SYT16: variants seen among roughly 807,000 people sequenced by gnomAD.
SYT16 encodes synaptotagmin 16, also known as synaptotagmin-16.
A neutral mutation model predicts 61.4 loss-of-function variants in SYT16; 42 were observed. The ratio of observed to expected loss-of-function variants is 0.68; its 90% CI spans 0.53 to 0.89. The LOEUF (loss-of-function observed/expected upper bound fraction) is 0.89, where lower values mean the gene tolerates loss of function less well. Among genes scored for constraint, SYT16 ranks in the 40% least tolerant of loss-of-function variants. The pLI is 0.00. For synonymous variants in SYT16, 314 were observed against 302.3 expected, an observed-to-expected ratio of 1.04 and a Z score of -0.40; for missense variants, 804 against 807.3, an observed-to-expected ratio of 1.00 and a Z score of 0.05.
chr14:62,080,363 C>T (rs2056663767), intron 5 of SYT16, among the ~76,000 whole-genome samples: 1 of 152,198 alleles, frequency 6.6e-6, no homozygotes, highest in South Asian at 2.1e-4. Context: ...TATACTGAAG[C>T]ATCACCTTCC....
At chr14:61,864,129 C>T (rs1438402656) in intron 1 of SYT16, among the ~76,000 whole-genome samples, 1 of 152,184 alleles carries the variant, frequency 6.6e-6, no homozygotes, top group South Asian at 2.1e-4. Flanking sequence ...TATGAATAGA[C>T]CACAATTTGT....
At position 62,011,870 on chromosome 14, in the gene SYT16, T is replaced by TACACACACACACAC. The variant is rs1351640578; in HGVS notation, c.523+15329_523+15330insCACACACACACACA. Among the ~76,000 whole-genome samples the TACACACACACACAC allele has an allele frequency of 2.3e-3, 280 of 124,030 alleles. 6 individuals are homozygous for TACACACACACACAC. Among genetic ancestry groups the TACACACACACACAC allele is most frequent in the African/African-American group, 6.6e-3 (168 of 25,446 alleles). The allele number at this position is 124,030 out of a possible 152,430, so 81.4% of individuals were successfully genotyped here. On this transcript the variant is annotated intron_variant, in intron 3 of 7. Coordinates refer to ENST00000683842, the MANE Select transcript of SYT16 (RefSeq NM_001367656.1). ...GTCTACCACAAGTCAGGGAACACTA[T>TACACACACACACAC]ATATACACACACACACACACACACA...
At chr14:62,058,080 T>C (rs886410127) in intron 3 of SYT16, among the ~76,000 whole-genome samples, 6 of 152,182 alleles carry the variant, frequency 3.9e-5, no homozygotes, top group African/African-American at 1.4e-4. Context: ...CTTTTGAGAT[T>C]CATTCGTGTT....
At chr14:62,046,373 G>A (rs1481749755) in intron 3 of SYT16, among the ~76,000 whole-genome samples, 2 of 151,958 alleles carry the variant, frequency 1.3e-5, no homozygotes, top group South Asian at 2.1e-4. Context: ...ACATGAGTAG[G>A]TTGCAAAAAT....
In SYT16 at chr14:62,055,285, A is replaced by G. The variant is rs1341909148; in HGVS notation, c.524-14318A>G. ...CAAGCAATTCCCTTATAGGAGGCAT[A>G]CAAATGAGACAGCAGAGCTTAAAAG... On this transcript the variant is annotated intron_variant, in intron 3 of 7. Transcript: ENST00000683842. 2.6e-5 allele frequency among the ~76,000 whole-genome samples: 4 copies of G among 152,246 alleles called. No homozygotes were observed. The South Asian group carries it at 8.3e-4, about 32-fold the overall frequency.
chr14:61,939,110 G>A (rs1418576603), intron 1 of SYT16, among the ~76,000 whole-genome samples: 1 of 152,130 alleles, frequency 6.6e-6, no homozygotes. Context: ...ACTCCAGCCT[G>A]GGCAACAGAG....
chr14:61,971,894 T>C (rs2610541), intron 2 of SYT16, among the ~76,000 whole-genome samples: 120,961 of 152,208 alleles, frequency 0.79, 48,761 homozygotes, highest in African/African-American at 0.93. Flanking sequence ...TTAGACACTA[T>C]TGTCCCAGCT....
chr14:61,827,693 CTT>C (rs1378144394), intron 1 of SYT16, among the ~76,000 whole-genome samples: 1 of 151,950 alleles, frequency 6.6e-6, no homozygotes, highest in Admixed American at 6.6e-5. Context: ...TATTTACACA[CTT>C]TTGATATTTT....
At chr14:62,042,592 G>A (rs957140804) in intron 3 of SYT16, among the ~76,000 whole-genome samples, 2 of 152,186 alleles carry the variant, frequency 1.3e-5, no homozygotes, top group African/African-American at 4.8e-5. Context: ...CTCTCAGTGA[G>A]CCCTGGGTAC....
chr14:62,029,042 G>A (rs2054207729), intron 3 of SYT16, among the ~76,000 whole-genome samples: 1 of 152,196 alleles, frequency 6.6e-6, no homozygotes, highest in Admixed American at 6.5e-5. Flanking sequence ...AATGAGGCCA[G>A]AGTAGCAAGC....
chr14:61,982,482 C>T (rs572768074), intron 2 of SYT16, among the ~76,000 whole-genome samples: 1 of 152,224 alleles, frequency 6.6e-6, no homozygotes, highest in East Asian at 1.9e-4. Context: ...ACCATCATAT[C>T]TCATGAGACT....
At chr14:62,090,877 G>A (rs560178279) in intron 7 of SYT16, among the ~76,000 whole-genome samples, 1 of 152,120 alleles carries the variant, frequency 6.6e-6, no homozygotes, top group Non-Finnish European at 1.5e-5. Context: ...TGTCTTACAT[G>A]GTGGCATACA....
intron 3 of SYT16, among the ~76,000 whole-genome samples, chr14:62,031,398 A>G (rs1175694089): frequency 6.6e-6 from 1 of 152,214 alleles, no homozygotes; most frequent in African/African-American, 2.4e-5. Context: ...TTCACAGTGT[A>G]TTTTAAAGGT....
intron 3 of SYT16, among the ~76,000 whole-genome samples, chr14:61,999,001 T>C (rs1481508306): frequency 6.6e-6 from 1 of 151,938 alleles, no homozygotes; most frequent in Non-Finnish European, 1.5e-5. Context: ...TAAAATCCAC[T>C]TGGTCATGTT....
chr14:61,904,846 G>A (rs1419149172), intron 1 of SYT16, among the ~76,000 whole-genome samples: 1 of 152,162 alleles, frequency 6.6e-6, no homozygotes, highest in Non-Finnish European at 1.5e-5. Context: ...ATAATTAGCA[G>A]CTCCTAATCA....
At chr14:61,901,351 T>C (rs1236534480) in intron 1 of SYT16, among the ~76,000 whole-genome samples, 1 of 152,200 alleles carries the variant, frequency 6.6e-6, no homozygotes, top group Non-Finnish European at 1.5e-5. Flanking sequence ...AATTACTTTC[T>C]ATATATTCAC....
At chr14:62,048,060 C>T (rs1002420208) in intron 3 of SYT16, among the ~76,000 whole-genome samples, 15 of 152,190 alleles carry the variant, frequency 9.9e-5, no homozygotes, top group Non-Finnish European at 1.9e-4. Context: ...GGTACCAGTT[C>T]CTCCTTGTAC....
At chr14:61,880,969 G>A (rs1051939340) in intron 1 of SYT16, among the ~76,000 whole-genome samples, 33 of 151,902 alleles carry the variant, frequency 2.2e-4, no homozygotes, top group African/African-American at 6.5e-4. Flanking sequence ...CACATCATAA[G>A]GTCACCTCTT....
chr14:62,032,714 G>T (rs2140811523), intron 3 of SYT16, among the ~76,000 whole-genome samples: 2 of 146,312 alleles, frequency 1.4e-5, no homozygotes, highest in East Asian at 3.9e-4. Context: ...TCTACAGTTA[G>T]TAAAAAAAAA....
Sources: gnomAD v4.1 joint callset for allele counts (sites outside exome capture counted in the v4.1 genomes callset) on GRCh38, gnomAD v4.1.1 for gene constraint, MANE v1.5 for transcripts, NCBI Gene and HGNC (gene_info 2026-07-23, HGNC 2026-07-21) for gene names.